The following DLC1 variants were observed in gnomAD, a reference collection of about 807,000 sequenced individuals.
The protein encoded by DLC1 is DLC1 Rho GTPase activating protein.
In DLC1, 54 loss-of-function variants were observed where a neutral mutation model predicts 140.3. The ratio of observed to expected loss-of-function variants is 0.38; its 90% CI spans 0.31 to 0.48. The LOEUF (loss-of-function observed/expected upper bound fraction) is 0.48, where lower values mean the gene tolerates loss of function less well. Among genes scored for constraint, DLC1 ranks in the 20% least tolerant of loss-of-function variants. The probability of loss-of-function intolerance (pLI) is 0.96; values close to 1 mark genes in which losing one functional copy is unlikely to be tolerated. For missense variants in DLC1, 2,536 were observed against 1,907.0 expected (o/e 1.33, Z -6.14); for synonymous variants, 986 against 728.1 (o/e 1.35, Z -5.70).
chr8:13,203,258 G>T (rs998452605), intron 5 of DLC1, among the ~76,000 whole-genome samples: 1 of 152,180 alleles, frequency 6.6e-6, no homozygotes, highest in African/African-American at 2.4e-5. Context: ...TCAGCATTAA[G>T]TGTCGATAAT....
intron 5 of DLC1, among the ~76,000 whole-genome samples, chr8:13,234,079 T>C (rs1563185790): frequency 6.6e-6 from 1 of 152,176 alleles, no homozygotes; most frequent in Non-Finnish European, 1.5e-5. Flanking sequence ...ATGGAGGCTA[T>C]TCAGTAGGCC....
intron 5 of DLC1, among the ~76,000 whole-genome samples, chr8:13,174,428 G>A (rs1338473245): frequency 6.6e-6 from 1 of 152,104 alleles, no homozygotes; most frequent in Non-Finnish European, 1.5e-5. Flanking sequence ...TTAGTTCTTT[G>A]AGAAATCTCC....
chr8:13,164,614 G>T (rs1471413853), intron 5 of DLC1, among the ~76,000 whole-genome samples: 3 of 152,152 alleles, frequency 2.0e-5, no homozygotes, highest in Non-Finnish European at 4.4e-5. Context: ...CATGGGATGT[G>T]GTGTGTGAAT....
chr8:13,259,315 T>A (rs1830387920), intron 5 of DLC1, among the ~76,000 whole-genome samples: 1 of 152,104 alleles, frequency 6.6e-6, no homozygotes, highest in African/African-American at 2.4e-5. Flanking sequence ...GACTATCCAG[T>A]GCTGTGAATC....
chr8:13,570,093 C>T (rs1249228277), intron 1 of DLC1, among the ~76,000 whole-genome samples: 1 of 152,162 alleles, frequency 6.6e-6, no homozygotes, highest in African/African-American at 2.4e-5. Context: ...CAAAACAAAA[C>T]TCTAAGTTGT....
At chr8:13,441,307 G>A (rs1197246158) in intron 2 of DLC1, among the ~76,000 whole-genome samples, 1 of 152,174 alleles carries the variant, frequency 6.6e-6, no homozygotes, top group Non-Finnish European at 1.5e-5. Context: ...ACAAGACAGG[G>A]ATGCCCTCTC....
rs75217034 is a variant in DLC1, at chr8:13,364,054, C to T, written c.1314+29499G>A. ...GTGTGTGTATGTGTGTGTGTGCGCA[C>T]GTGCACACGCATGCATGTGACTTCA... On this transcript the variant is annotated intron_variant, in intron 4 of 17. Coordinates refer to ENST00000276297, the MANE Select transcript of DLC1 (RefSeq NM_182643.3). Among the ~76,000 whole-genome samples the T allele has an allele frequency of 9.6e-3, 1,465 of 152,116 alleles. 22 individuals carry two copies. The highest frequency in any genetic ancestry group is 0.033 in the African/African-American group (1,381 of 41,466).
intron 5 of DLC1, among the ~76,000 whole-genome samples, chr8:13,169,767 T>G (rs929007856): frequency 2.0e-5 from 3 of 152,130 alleles, no homozygotes; most frequent in Non-Finnish European, 2.9e-5. Flanking sequence ...CTCTAGTCTG[T>G]AATCCCAGCA....
chr8:13,125,651 G>C (rs1165549041), intron 5 of DLC1, among the ~76,000 whole-genome samples: 3 of 152,088 alleles, frequency 2.0e-5, no homozygotes, highest in African/African-American at 7.2e-5. Flanking sequence ...TATTTCAACA[G>C]TGCCCTCACT....
At position 13,256,926 on chromosome 8, in the gene DLC1, G is replaced by A. The variant is rs932239780; in HGVS notation, c.1348+48343C>T. ...GCAGAGGCAGGATCTTGGGAGATAC[G>A]CAGAACTGCCTTGGAGTAATTGTAA... is the stretch of plus-strand genomic sequence containing the variant. On this transcript the variant is annotated intron_variant, in intron 5 of 17. Coordinates refer to ENST00000276297, the MANE Select transcript of DLC1 (RefSeq NM_182643.3). 4.7e-5 allele frequency among the ~76,000 whole-genome samples: 7 copies of A among 149,026 alleles called. No homozygotes were observed. In the South Asian group the frequency reaches 8.6e-4, roughly 18 times the overall value.
At chr8:13,547,794 T>C (rs2117347237) in intron 1 of DLC1, among the ~76,000 whole-genome samples, 1 of 152,158 alleles carries the variant, frequency 6.6e-6, no homozygotes, top group East Asian at 1.9e-4. Context: ...TTCTCCCAAC[T>C]CCTTTCTCTA....
intron 4 of DLC1, among the ~76,000 whole-genome samples, chr8:13,377,131 A>C (rs912319654): frequency 6.6e-6 from 1 of 152,148 alleles, no homozygotes; most frequent in Non-Finnish European, 1.5e-5. Flanking sequence ...GGGCTTGGCT[A>C]AAGGTATCCA....
At chr8:13,489,109 G>A (rs1801112512) in intron 2 of DLC1, among the ~76,000 whole-genome samples, 1 of 151,988 alleles carries the variant, frequency 6.6e-6, no homozygotes, top group African/African-American at 2.4e-5. Flanking sequence ...CACCATGCCT[G>A]GCTAATTTTT....
At chr8:13,406,112 T>G (rs1837546185) in intron 2 of DLC1, among the ~76,000 whole-genome samples, 1 of 148,854 alleles carries the variant, frequency 6.7e-6, no homozygotes, top group Non-Finnish European at 1.5e-5. Context: ...GTTCAAGCGA[T>G]TCTCCTGCCT....
intron 5 of DLC1, among the ~76,000 whole-genome samples, chr8:13,209,240 T>C (rs1398315704): frequency 6.6e-6 from 1 of 152,188 alleles, no homozygotes; most frequent in African/African-American, 2.4e-5. Flanking sequence ...TGTATCCTTA[T>C]AAATCTATAG....
At chr8:13,594,733 G>A (rs539010043) in intron 1 of DLC1, among the ~76,000 whole-genome samples, 1 of 151,526 alleles carries the variant, frequency 6.6e-6, no homozygotes, top group East Asian at 2.0e-4. Flanking sequence ...CTACTTCACA[G>A]ACAGCAACTG....
intron 5 of DLC1, among the ~76,000 whole-genome samples, chr8:13,267,897 C>G (rs1448980274): frequency 6.6e-6 from 1 of 151,942 alleles, no homozygotes; most frequent in East Asian, 1.9e-4. Context: ...CAATAATATG[C>G]CATGTCTTTT....
intron 1 of DLC1, among the ~76,000 whole-genome samples, chr8:13,588,471 T>C (rs1323234874): frequency 6.6e-6 from 1 of 152,096 alleles, no homozygotes; most frequent in Non-Finnish European, 1.5e-5. Flanking sequence ...GGCAGCAGAA[T>C]ATTATCATTG....
intron 5 of DLC1, among the ~76,000 whole-genome samples, chr8:13,178,685 G>C (rs536367412): frequency 6.6e-6 from 1 of 150,842 alleles, no homozygotes; most frequent in Admixed American, 6.6e-5. Context: ...ATCAACAATG[G>C]TTTCGTATCC....
Sources: gnomAD v4.1 joint callset for allele counts (sites outside exome capture counted in the v4.1 genomes callset) on GRCh38, gnomAD v4.1.1 for gene constraint, MANE v1.5 for transcripts, NCBI Gene and HGNC (gene_info 2026-07-23, HGNC 2026-07-21) for gene names.